Variants in SLC60A1 observed in about 807,000 individuals in gnomAD.
SLC60A1 encodes the protein solute carrier family 60 member 1, also known as major facilitator superfamily domain containing 4.
At chr1:205,586,243 G>A in the SLC60A1 span, 1 of 1,608,952 alleles carries the variant, frequency 6.2e-7, no homozygotes, top group Non-Finnish European at 8.5e-7. Flanking sequence ...TCTTCTGAGA[G>A]ACCCAGGAGA....
the SLC60A1 span, chr1:205,579,701 G>T: frequency 6.3e-7 from 1 of 1,588,076 alleles, no homozygotes. Context: ...GGAGAAGGGG[G>T]AGGGGATGCT....
chr1:205,602,568 G>A, the SLC60A1 span: 1 of 152,656 alleles, frequency 6.6e-6, no homozygotes, highest in Non-Finnish European at 1.5e-5. Context: ...CCTCATAAGC[G>A]GCTTAGAAAT....
chr1:205,592,377 T>G, the SLC60A1 span: 1 of 1,260,742 alleles, frequency 7.9e-7, no homozygotes, highest in South Asian at 1.9e-5. Context: ...TCTTTTTTTT[T>G]TTTTTTAATT....
chr1:205,582,588 G>A, the SLC60A1 span, among the ~76,000 whole-genome samples: 1 of 152,162 alleles, frequency 6.6e-6, no homozygotes, highest in East Asian at 1.9e-4. Flanking sequence ...CACGCCTCTT[G>A]TACAGCTGTT....
the SLC60A1 span, among the ~76,000 whole-genome samples, chr1:205,571,650 G>A: frequency 5.3e-5 from 8 of 152,248 alleles, no homozygotes; most frequent in Non-Finnish European, 1.2e-4. Context: ...GAGTGTAGGC[G>A]ACAGTCTCCC....
chr1:205,585,070 A>AGAG, the SLC60A1 span: 2 of 1,261,278 alleles, frequency 1.6e-6, no homozygotes, highest in Non-Finnish European at 2.3e-6. The surrounding 1 kb of genome is among the most constrained non-coding windows in gnomAD (Gnocchi z 4.2). Flanking sequence ...CAAGAGAAAG[A>AGAG]GAGGAGCATG....
At chr1:205,597,158 C>T in the SLC60A1 span, among the ~76,000 whole-genome samples, 1 of 152,182 alleles carries the variant, frequency 6.6e-6, no homozygotes, top group Non-Finnish European at 1.5e-5. Context: ...AGGTAGCAGT[C>T]AGAATGGGAA....
At chr1:205,570,752 G>T in the SLC60A1 span, among the ~76,000 whole-genome samples, 1 of 152,226 alleles carries the variant, frequency 6.6e-6, no homozygotes. Flanking sequence ...CTGCCTAGAG[G>T]TTTAATTAGA....
At chr1:205,569,063 C>T in the SLC60A1 span, 1 of 1,469,322 alleles carries the variant, frequency 6.8e-7, no homozygotes, top group Non-Finnish European at 9.0e-7. Flanking sequence ...GCCCGTCAGC[C>T]TGCGCCATGG....
the SLC60A1 span, among the ~76,000 whole-genome samples, chr1:205,587,358 T>C: frequency 6.6e-6 from 1 of 151,990 alleles, no homozygotes; most frequent in Non-Finnish European, 1.5e-5. Flanking sequence ...GGTTTGGACA[T>C]AAGGTTGCAG....
chr1:205,589,129 T>C, the SLC60A1 span, among the ~76,000 whole-genome samples: 1 of 152,220 alleles, frequency 6.6e-6, no homozygotes. Flanking sequence ...GCATGTGGTT[T>C]GTACATGGGG....
At chr1:205,589,660 C>CA in the SLC60A1 span, among the ~76,000 whole-genome samples, 1 of 151,998 alleles carries the variant, frequency 6.6e-6, no homozygotes, top group Non-Finnish European at 1.5e-5. Flanking sequence ...CTATGTTGCC[C>CA]AGGCTGGTCT....
At chr1:205,571,518 G>C in the SLC60A1 span, among the ~76,000 whole-genome samples, 1 of 152,128 alleles carries the variant, frequency 6.6e-6, no homozygotes, top group Admixed American at 6.5e-5. Flanking sequence ...CAGTGGTTGA[G>C]GTTTAAATTC....
chr1:205,596,102 T>A, the SLC60A1 span, among the ~76,000 whole-genome samples: 5 of 152,246 alleles, frequency 3.3e-5, no homozygotes, highest in South Asian at 1.0e-3. Context: ...AGAAGGAATG[T>A]GAAGTCCAGA....
the SLC60A1 span, chr1:205,592,401 A>G: frequency 1.8e-6 from 2 of 1,139,086 alleles, no homozygotes; most frequent in Non-Finnish European, 2.3e-6. Context: ...TTATTATTAT[A>G]CTTCACGTTT....
chr1:205,582,712 G>A, the SLC60A1 span, among the ~76,000 whole-genome samples: 1 of 152,334 alleles, frequency 6.6e-6, no homozygotes, highest in South Asian at 2.1e-4. Context: ...GGCTCAGCAG[G>A]GGCTGTTCTC....
At chr1:205,587,855 A>C in the SLC60A1 span, among the ~76,000 whole-genome samples, 1 of 152,192 alleles carries the variant, frequency 6.6e-6, no homozygotes, top group Non-Finnish European at 1.5e-5. Flanking sequence ...TTCCCTGTCT[A>C]GGTCAGACAC....
At chr1:205,584,872 G>A in the SLC60A1 span, 3 of 1,613,458 alleles carry the variant, frequency 1.9e-6, no homozygotes, top group Non-Finnish European at 2.5e-6. Flanking sequence ...TGTGCCTCCT[G>A]CAGGGCATGA....
the SLC60A1 span, chr1:205,598,853 G>A: frequency 2.1e-6 from 1 of 466,446 alleles, no homozygotes; most frequent in African/African-American, 1.9e-5. Flanking sequence ...CTTCAGTGAT[G>A]ATAGAGATCG....
Sources: allele counts gnomAD v4.1 joint callset (sites outside exome capture counted in the v4.1 genomes callset), GRCh38; gene constraint gnomAD v4.1.1; non-coding constraint Gnocchi (gnomAD v3.1); transcripts MANE v1.5; gene names NCBI Gene and HGNC (gene_info 2026-07-23, HGNC 2026-07-21).